Variants in AGBL4 observed in about 807,000 individuals in gnomAD.
The protein encoded by AGBL4 is cytosolic carboxypeptidase 6.
AGBL4 carries 58 observed loss-of-function variants against 66.4 expected under a neutral mutation model. The ratio of observed to expected loss-of-function variants is 0.87; its 90% CI spans 0.71 to 1.09. The LOEUF (loss-of-function observed/expected upper bound fraction) is 1.09, where lower values mean the gene tolerates loss of function less well. AGBL4 is among the 50% of genes least tolerant of loss of function. The pLI, the probability that AGBL4 is intolerant of heterozygous loss-of-function variation, is 0.00. For synonymous variants in AGBL4, 234 were observed against 222.9 expected (o/e 1.05, Z -0.44); for missense variants, 579 against 631.0 (o/e 0.92, Z 0.88).
chr1:48,883,898 TAAA>T (rs935817340), intron 5 of AGBL4, among the ~76,000 whole-genome samples: 1 of 152,054 alleles, frequency 6.6e-6, no homozygotes, highest in Admixed American at 6.6e-5. Flanking sequence ...GAATAAACAA[TAAA>T]AAGAGGGTCT....
chr1:49,207,492 CTTTTCTTTCTTTCT>C (rs1378074716), intron 4 of AGBL4, among the ~76,000 whole-genome samples: 6 of 138,106 alleles, frequency 4.3e-5, no homozygotes, highest in Admixed American at 2.9e-4. Context: ...TTCTTTCTTT[CTTTTCTTTCTTTCT>C]TTTTCTTTCT....
intron 11 of AGBL4, among the ~76,000 whole-genome samples, chr1:48,574,485 G>C (rs1644617364): frequency 6.6e-6 from 1 of 151,924 alleles, no homozygotes; most frequent in Admixed American, 6.6e-5. Flanking sequence ...TTGGCATTCT[G>C]CAGGAGCTTC....
chr1:48,767,428 G>C lies in AGBL4; in HGVS notation c.634+99763C>G, dbSNP rs71647718. On this transcript the variant is annotated intron_variant, in intron 6 of 13. Transcript: ENST00000371839. Reference sequence around the variant, plus strand: ...ACTGCAGGTATCTGACACAGACTGAGACATGATGAAAGAGATGTTTTAGGA... The same window carrying C: ...ACTGCAGGTATCTGACACAGACTGACACATGATGAAAGAGATGTTTTAGGA... 2.6e-3 allele frequency among the ~76,000 whole-genome samples: 401 copies of C among 152,302 alleles called. 2 individuals carry two copies. The highest frequency in any genetic ancestry group is 0.01 in the Middle Eastern group (3 of 294).
intron 3 of AGBL4, among the ~76,000 whole-genome samples, chr1:49,617,925 T>C (rs1238972584): frequency 1.3e-5 from 2 of 152,206 alleles, no homozygotes; most frequent in East Asian, 1.9e-4. Flanking sequence ...TACATAGGTA[T>C]ACATGTGCCA....
rs79667382 is a variant in AGBL4, at chr1:49,698,407, C to T, written c.158-970G>A. 8.1e-4 allele frequency among the ~76,000 whole-genome samples: 123 copies of T among 152,162 alleles called. 1 individual carries two copies. Among genetic ancestry groups the T allele is most frequent in the African/African-American group, 2.7e-3 (112 of 41,532 alleles). On this transcript the variant is annotated intron_variant, in intron 2 of 13. Coordinates refer to ENST00000371839, the MANE Select transcript of AGBL4 (RefSeq NM_032785.4). Reference sequence around the variant, plus strand: ...AAAGTTTTCTGAGCATTTCTACAGGCCACATACTGTCCTAAATGCTAAATG... The same window carrying T: ...AAAGTTTTCTGAGCATTTCTACAGGTCACATACTGTCCTAAATGCTAAATG...
At chr1:49,693,832 A>C (rs1646933553) in intron 3 of AGBL4, among the ~76,000 whole-genome samples, 1 of 152,158 alleles carries the variant, frequency 6.6e-6, no homozygotes, top group South Asian at 2.1e-4. Flanking sequence ...ATATCACACA[A>C]GTGCTCTCAG....
chr1:49,489,190 A>G (rs1647134794), intron 3 of AGBL4, among the ~76,000 whole-genome samples: 1 of 151,670 alleles, frequency 6.6e-6, no homozygotes, highest in South Asian at 2.1e-4. Context: ...CCTCGCTTTC[A>G]TTTGTTATTG....
intron 1 of AGBL4, among the ~76,000 whole-genome samples, chr1:49,935,435 C>T (rs1405859993): frequency 6.6e-6 from 1 of 152,226 alleles, no homozygotes; most frequent in African/African-American, 2.4e-5. Context: ...ACAGCAGTAA[C>T]CTCTGCAGAC....
intron 3 of AGBL4, among the ~76,000 whole-genome samples, chr1:49,457,039 G>A (rs1646405573): frequency 6.6e-6 from 1 of 151,706 alleles, no homozygotes; most frequent in Non-Finnish European, 1.5e-5. Flanking sequence ...AAACATGCAT[G>A]TGCAAGTATC....
chr1:49,842,830 A>G (rs1480050869), intron 2 of AGBL4, among the ~76,000 whole-genome samples: 1 of 152,198 alleles, frequency 6.6e-6, no homozygotes, highest in African/African-American at 2.4e-5. Flanking sequence ...AGAGAATACT[A>G]GCATTTCAGG....
intron 5 of AGBL4, among the ~76,000 whole-genome samples, chr1:48,975,247 A>AAACATGC (rs1268633219): frequency 6.6e-6 from 1 of 152,200 alleles, no homozygotes; most frequent in East Asian, 1.9e-4. Context: ...ATTTTGAAGG[A>AAACATGC]AACATGCACC....
chr1:49,962,929 G>C (rs1224308660), intron 1 of AGBL4, among the ~76,000 whole-genome samples: 1 of 152,096 alleles, frequency 6.6e-6, no homozygotes, highest in Non-Finnish European at 1.5e-5. Context: ...GTTGAGACAA[G>C]ATTCAAACCC....
chr1:48,849,978 A>T (rs1646998413), intron 6 of AGBL4, among the ~76,000 whole-genome samples: 1 of 152,168 alleles, frequency 6.6e-6, no homozygotes, highest in Non-Finnish European at 1.5e-5. Flanking sequence ...ATCTCAAAAA[A>T]TAAAATAAAA....
chr1:49,896,413 T>C (rs1350346605), intron 1 of AGBL4, among the ~76,000 whole-genome samples: 4 of 151,968 alleles, frequency 2.6e-5, no homozygotes, highest in Admixed American at 6.6e-5. Flanking sequence ...CATTTCACAC[T>C]ATAAGGAAAA....
intron 1 of AGBL4, among the ~76,000 whole-genome samples, chr1:49,866,395 A>G (rs1185135749): frequency 2.6e-5 from 4 of 152,200 alleles, no homozygotes; most frequent in Non-Finnish European, 5.9e-5. Context: ...GAAGCCCATC[A>G]GACTAAAAGC....
At chr1:49,561,254 A>C (rs2148853684) in intron 3 of AGBL4, among the ~76,000 whole-genome samples, 1 of 152,012 alleles carries the variant, frequency 6.6e-6, no homozygotes, top group Non-Finnish European at 1.5e-5. Flanking sequence ...CTTTTTAAAA[A>C]AAATTGTATA....
intron 9 of AGBL4, among the ~76,000 whole-genome samples, chr1:48,625,015 C>T (rs1241660314): frequency 1.3e-5 from 2 of 151,876 alleles, no homozygotes; most frequent in Admixed American, 6.6e-5. Context: ...TTAAGGGATC[C>T]TCCTGCTGCT....
rs1645349649 is a variant in AGBL4, at chr1:48,618,116, C to A, written c.951+16377G>T. On this transcript the variant is annotated intron_variant, in intron 9 of 13. Transcript: ENST00000371839. ...AGCCATGGTAGCTCACACCTGTAAT[C>A]CTAGCACTTTGGAAGGCTGAGATGG... Among the ~76,000 whole-genome samples the A allele has an allele frequency of 2.0e-5, 3 of 152,294 alleles. No individual in the cohort carries two copies. In the South Asian group the frequency reaches 6.2e-4, roughly 32 times the overall value.
intron 1 of AGBL4, among the ~76,000 whole-genome samples, chr1:49,915,235 G>C (rs778685686): frequency 2.6e-5 from 4 of 152,104 alleles, no homozygotes; most frequent in Non-Finnish European, 5.9e-5. Context: ...TGGACAGTGG[G>C]TGCAGGACAG....
Sources: allele counts gnomAD v4.1 joint callset (sites outside exome capture counted in the v4.1 genomes callset), GRCh38; gene constraint gnomAD v4.1.1; transcripts MANE v1.5; gene names NCBI Gene and HGNC (gene_info 2026-07-23, HGNC 2026-07-21).